Variants in CC2D2A observed in about 807,000 individuals in gnomAD.
The protein encoded by CC2D2A is coiled-coil and C2 domain containing 2A.
A neutral mutation model predicts 212.9 loss-of-function variants in CC2D2A; 155 were observed. The ratio of observed to expected loss-of-function variants is 0.73; its 90% CI spans 0.64 to 0.83. The LOEUF (loss-of-function observed/expected upper bound fraction) is 0.83. Ranked by LOEUF, CC2D2A falls within the 40% of genes least tolerant of loss-of-function variation. The pLI is 0.00. For synonymous variants in CC2D2A, 667 were observed against 686.5 expected (o/e 0.97, Z 0.44); for missense variants, 1,856 against 1,956.2 (o/e 0.95, Z 0.97).
At chr4:15,541,578 G>A (rs989490199) in intron 17 of CC2D2A, among the ~76,000 whole-genome samples, 1 of 152,060 alleles carries the variant, frequency 6.6e-6, no homozygotes, top group African/African-American at 2.4e-5. Flanking sequence ...TGGGAGAGGG[G>A]TGCTGAAGGG....
chr4:15,539,327 G>A (rs977501133), intron 16 of CC2D2A, among the ~76,000 whole-genome samples: 6 of 151,966 alleles, frequency 3.9e-5, no homozygotes, highest in Admixed American at 6.6e-5. Flanking sequence ...TAAAATCATC[G>A]ATACCACAAA....
chr4:15,545,092 A>C (rs1718640177), intron 17 of CC2D2A, among the ~76,000 whole-genome samples: 1 of 152,212 alleles, frequency 6.6e-6, no homozygotes, highest in African/African-American at 2.4e-5. Context: ...AGATTAAATT[A>C]ATCTAGGAGA....
At chr4:15,505,642 A>G (rs1475637647) in intron 6 of CC2D2A, among the ~76,000 whole-genome samples, 2 of 152,204 alleles carry the variant, frequency 1.3e-5, no homozygotes, top group African/African-American at 4.8e-5. Flanking sequence ...TCCCAGCCTC[A>G]AAATCAGGTT....
chr4:15,583,625 C>G (rs1720740944), intron 30 of CC2D2A, among the ~76,000 whole-genome samples: 1 of 152,088 alleles, frequency 6.6e-6, no homozygotes, highest in Non-Finnish European at 1.5e-5. Flanking sequence ...ATAAACTTAA[C>G]CAATGAGGTG....
At chr4:15,579,575 A>G (rs1577392216) in intron 29 of CC2D2A, among the ~76,000 whole-genome samples, 1 of 152,130 alleles carries the variant, frequency 6.6e-6, no homozygotes, top group Non-Finnish European at 1.5e-5. Context: ...GAGATGTTAG[A>G]TTTTCTGGGG....
chr4:15,476,856 AAG>A (rs890493175), intron 2 of CC2D2A, among the ~76,000 whole-genome samples: 1 of 152,178 alleles, frequency 6.6e-6, no homozygotes, highest in Non-Finnish European at 1.5e-5. Context: ...CATCCAACAA[AAG>A]AGAGAGTATT....
intron 28 of CC2D2A, among the ~76,000 whole-genome samples, chr4:15,572,085 C>G (rs1720195221): frequency 6.6e-6 from 1 of 152,128 alleles, no homozygotes; most frequent in African/African-American, 2.4e-5. Context: ...TTCTCTGGAG[C>G]CACACATAAC....
intron 14 of CC2D2A, among the ~76,000 whole-genome samples, chr4:15,536,648 G>A (rs1718144483): frequency 6.6e-6 from 1 of 152,094 alleles, no homozygotes; most frequent in African/African-American, 2.4e-5. Context: ...AGGCATGGCT[G>A]CTCAGTGTTC....
At chr4:15,565,879 T>C (rs1442949755) in intron 24 of CC2D2A, among the ~76,000 whole-genome samples, 1 of 152,202 alleles carries the variant, frequency 6.6e-6, no homozygotes. Context: ...CCCAAAGTGC[T>C]GGGAATACAG....
At chr4:15,479,311 AG>A in intron 3 of CC2D2A, 1 of 1,537,018 alleles carries the variant, frequency 6.5e-7, no homozygotes, top group Non-Finnish European at 8.7e-7. Context: ...CATCCCGTGC[AG>A]GGTAAATCTT....
intron 25 of CC2D2A, 96 bp downstream of exon 25, chr4:15,567,578 C>T: frequency 7.4e-7 from 1 of 1,347,092 alleles, no homozygotes; most frequent in South Asian, 1.3e-5. Context: ...GCTTCATTTT[C>T]TTTGGAAACA....
intron 17 of CC2D2A, among the ~76,000 whole-genome samples, chr4:15,549,397 A>G (rs1236493998): frequency 6.6e-6 from 1 of 152,154 alleles, no homozygotes; most frequent in African/African-American, 2.4e-5. Flanking sequence ...GTACCTGTGC[A>G]ATTTCTGCCT....
In CC2D2A at chr4:15,570,507, A is replaced by C; in HGVS notation, c.3594+11A>C. Reference sequence around the variant, plus strand: ...TATTTCCAAGCAAGGGTAAGTATCTAAAGTTAGAGGTCCATGAGAGCAGGG... The same window carrying C: ...TATTTCCAAGCAAGGGTAAGTATCTCAAGTTAGAGGTCCATGAGAGCAGGG... On this transcript the variant is annotated intron_variant, in intron 28 of 36. Coordinates refer to ENST00000424120, the MANE Select transcript of CC2D2A (RefSeq NM_001378615.1). The C allele has an allele frequency of 6.5e-7, 1 of 1,546,784 alleles. No individual in the cohort carries two copies. Among genetic ancestry groups the C allele is most frequent in the African/African-American group, 1.4e-5 (1 of 73,818 alleles).
intron 35 of CC2D2A, 41 bp downstream of exon 35, chr4:15,597,506 G>C (rs1026512862): frequency 6.1e-6 from 9 of 1,465,816 alleles, no homozygotes; most frequent in Non-Finnish European, 8.4e-6. Context: ...TCTGTCACTA[G>C]GAGTATAATA....
intron 4 of CC2D2A, among the ~76,000 whole-genome samples, chr4:15,495,360 C>T (rs920016879): frequency 6.6e-6 from 1 of 152,168 alleles, no homozygotes; most frequent in Non-Finnish European, 1.5e-5. Flanking sequence ...CCTCTCACCT[C>T]GGCCTCTCAA....
rs140856031 is a variant in CC2D2A, at chr4:15,509,453, T to C, written c.439-686T>C. On this transcript the variant is annotated intron_variant, in intron 6 of 36. Coordinates refer to ENST00000424120, the MANE Select transcript of CC2D2A (RefSeq NM_001378615.1). ...CACGCCTGGCTAAACTTTGTATTTT[T>C]AGTAAAGGTGGGGTTTCACTATGTT... Among the ~76,000 whole-genome samples, 11 of 152,246 alleles carry C rather than the reference T, an allele frequency of 7.2e-5. No individual in the cohort carries two copies. In the East Asian group the frequency reaches 2.1e-3, roughly 29 times the overall value.
At position 15,471,235 on chromosome 4, in the gene CC2D2A, G is replaced by A. The variant is rs73799880; in HGVS notation, c.-19+1178G>A. Reference sequence around the variant, plus strand: ...GGGAACAGAAAAATGTTCTCAGGGTGTGAGGAAGAAAATACTCATGGGTAG... The same window carrying A: ...GGGAACAGAAAAATGTTCTCAGGGTATGAGGAAGAAAATACTCATGGGTAG... On this transcript the variant is annotated intron_variant, in intron 1 of 36. Coordinates refer to ENST00000424120, the MANE Select transcript of CC2D2A (RefSeq NM_001378615.1). 6.5e-3 allele frequency among the ~76,000 whole-genome samples: 992 copies of A among 152,292 alleles called. 13 individuals are homozygous for A. Among genetic ancestry groups the A allele is most frequent in the African/African-American group, 0.022 (933 of 41,558 alleles).
Position 15,587,928 on chromosome 4 carries a change from AG to A in CC2D2A, c.4179+1del, listed in dbSNP as rs386833760. On this transcript the variant is annotated frameshift_variant and splice_region_variant, in exon 32 of 37. Coordinates refer to ENST00000424120, the MANE Select transcript of CC2D2A (RefSeq NM_001378615.1). LOFTEE classifies it high-confidence loss of function. ...AWLLMGNAIP[E>X]GPTAYVLTWE... is the part of the protein sequence containing the mutation. ...CTGTTGATGGGCAATGCTATTCCTGAGGTAAGACCACATAGGCTGCCTTTAA... is the reference window on the plus strand; with the variant it reads ...CTGTTGATGGGCAATGCTATTCCTGAGTAAGACCACATAGGCTGCCTTTAA... The A allele has an allele frequency of 7.7e-5, 121 of 1,578,048 alleles. No individual in the cohort carries two copies. The highest frequency in any genetic ancestry group is 4.4e-4 in the Admixed American group (26 of 59,744).
intron 4 of CC2D2A, among the ~76,000 whole-genome samples, chr4:15,495,413 T>C (rs1354222231): frequency 6.6e-6 from 1 of 152,160 alleles, no homozygotes; most frequent in Non-Finnish European, 1.5e-5. Flanking sequence ...CCAGCCTCTA[T>C]TGTTTCCCTC....
Sources: gnomAD v4.1 joint callset for allele counts (sites outside exome capture counted in the v4.1 genomes callset) on GRCh38, gnomAD v4.1.1 for gene constraint, MANE v1.5 for transcripts, NCBI Gene and HGNC (gene_info 2026-07-23, HGNC 2026-07-21) for gene names.